The following NETO1 variants were observed in gnomAD, a reference collection of about 807,000 sequenced individuals.
NETO1 encodes the protein neuropilin and tolloid-like protein 1.
NETO1 carries 26 observed loss-of-function variants against 61.3 expected under a neutral mutation model. The observed-to-expected ratio is 0.42, with a 90% CI of 0.31 to 0.59. The LOEUF is 0.59. Ranked by LOEUF, NETO1 falls within the 20% of genes least tolerant of loss-of-function variation. NETO1 has a pLI of 0.12. For synonymous variants in NETO1, 225 were observed against 225.8 expected, an observed-to-expected ratio of 1.00 and a Z score of 0.03; for missense variants, 531 against 662.8, an observed-to-expected ratio of 0.80 and a Z score of 2.18.
intron 4 of NETO1, among the ~76,000 whole-genome samples, chr18:72,833,565 C>G (rs2073647396): frequency 6.6e-6 from 1 of 152,152 alleles, no homozygotes; most frequent in Admixed American, 6.6e-5. Context: ...ATTACCGTCT[C>G]TCACTAACTC....
At chr18:72,865,465 C>A in intron 1 of NETO1, 3 of 1,350,832 alleles carry the variant, frequency 2.2e-6, no homozygotes, top group Non-Finnish European at 3.1e-6. Flanking sequence ...TGGATGAGAC[C>A]CAAACTCCTA....
At position 72,769,419 on chromosome 18, in the gene NETO1, T is replaced by C. The variant is rs547277465; in HGVS notation, c.869-13272A>G. 7.9e-5 allele frequency among the ~76,000 whole-genome samples: 12 copies of C among 152,284 alleles called. No individual in the cohort carries two copies. In the South Asian group the frequency reaches 2.3e-3, roughly 29 times the overall value. The stretch of plus-strand genomic sequence containing the variant: ...CAATGTGATATCCTCGAAAACTGTA[T>C]TAAAACTCTACTGATGGGTTCTTTT... On this transcript the variant is annotated intron_variant, in intron 7 of 10. Coordinates refer to ENST00000327305, the MANE Select transcript of NETO1 (RefSeq NM_138966.5).
At chr18:72,851,056 C>A (rs559867705) in intron 4 of NETO1, among the ~76,000 whole-genome samples, 11 of 151,976 alleles carry the variant, frequency 7.2e-5, no homozygotes, top group Admixed American at 2.6e-4. Flanking sequence ...GGGAGGTGAG[C>A]GAAAGGAACC....
At position 72,808,537 on chromosome 18, in the gene NETO1, T is replaced by C. The variant is rs17086334; in HGVS notation, c.470-14133A>G. Reference sequence around the variant, plus strand: ...ATTATGCCACTGTAAACTAAATAAATGGTGTCAATGAAAATCAAGAAGCAA... The same window carrying C: ...ATTATGCCACTGTAAACTAAATAAACGGTGTCAATGAAAATCAAGAAGCAA... On this transcript the variant is annotated intron_variant, in intron 4 of 10. Coordinates refer to ENST00000327305, the MANE Select transcript of NETO1 (RefSeq NM_138966.5). 8.0e-3 allele frequency among the ~76,000 whole-genome samples: 1,224 copies of C among 152,126 alleles called. 25 individuals carry two copies. The East Asian group carries it at 0.088, about 11-fold the overall frequency.
chr18:72,760,250 G>A (rs2070926419), intron 7 of NETO1, among the ~76,000 whole-genome samples: 1 of 152,162 alleles, frequency 6.6e-6, no homozygotes, highest in African/African-American at 2.4e-5. Flanking sequence ...TTGATTTAAA[G>A]CACTCACCTA....
chr18:72,795,274 T>G (rs1304349574), intron 4 of NETO1, among the ~76,000 whole-genome samples: 2 of 152,210 alleles, frequency 1.3e-5, no homozygotes, highest in Non-Finnish European at 2.9e-5. Context: ...TTCCTCGTAA[T>G]AGAGACAAGG....
intron 7 of NETO1, among the ~76,000 whole-genome samples, chr18:72,759,465 T>C (rs1053237593): frequency 4.6e-5 from 7 of 152,222 alleles, no homozygotes; most frequent in African/African-American, 1.2e-4. Context: ...TTAAGCTTAC[T>C]AGGCTTGTAG....
chr18:72,790,252 A>G (rs1426217487), intron 6 of NETO1, among the ~76,000 whole-genome samples: 1 of 152,164 alleles, frequency 6.6e-6, no homozygotes, highest in African/African-American at 2.4e-5. Context: ...TAGATTTGTT[A>G]ATTAGCTTGA....
chr18:72,841,783 A>G (rs1019592828), intron 4 of NETO1, among the ~76,000 whole-genome samples: 9 of 147,994 alleles, frequency 6.1e-5, no homozygotes, highest in Non-Finnish European at 1.3e-4. Context: ...CTGATGGAGC[A>G]TGCCCGAAAT....
chr18:72,814,734 T>C (rs1203808511), intron 4 of NETO1, among the ~76,000 whole-genome samples: 1 of 151,852 alleles, frequency 6.6e-6, no homozygotes, highest in East Asian at 1.9e-4. Context: ...AAAGAAAAAC[T>C]TCAGGGAAAA....
chr18:72,821,087 T>A (rs1164073745), intron 4 of NETO1, among the ~76,000 whole-genome samples: 1 of 151,982 alleles, frequency 6.6e-6, no homozygotes, highest in Non-Finnish European at 1.5e-5. Flanking sequence ...CTTCTGCCCA[T>A]CTCTTGCCTG....
downstream of NETO1, among the ~76,000 whole-genome samples, chr18:72,743,352 T>C (rs950354451): frequency 6.6e-6 from 1 of 152,202 alleles, no homozygotes; most frequent in Non-Finnish European, 1.5e-5. Flanking sequence ...GCTTAGAAGG[T>C]CAGTTATTCA....
rs1352982657 is a variant in NETO1 at position 72,747,154 on chromosome 18, T to TA, written c.*1024dup. On this transcript the variant is annotated 3_prime_UTR_variant, in exon 11 of 11. Transcript: ENST00000327305. ...CCCTAAAAGGTGGAAAGAGTTGACA[T>TA]AAAATGTGTATTTATGTGAGTCAGT... 7 of 152,032 alleles carry TA rather than the reference T, an allele frequency of 4.6e-5. No individual in the cohort carries two copies. The highest frequency in any genetic ancestry group is 8.8e-5 in the Non-Finnish European group (6 of 67,942). The allele number at this position is 152,032 out of a possible 1,614,324, so 9.4% of individuals were successfully genotyped here.
intron 4 of NETO1, among the ~76,000 whole-genome samples, chr18:72,826,277 T>G (rs1331192150): frequency 6.6e-6 from 1 of 152,180 alleles, no homozygotes; most frequent in Non-Finnish European, 1.5e-5. Flanking sequence ...TATCCTAAAT[T>G]ATAATTGGTC....
In NETO1 at chr18:72,749,013, C is replaced by T; in HGVS notation, c.*14+1G>A. The T allele has an allele frequency of 1.3e-6, 2 of 1,598,452 alleles. No individual in the cohort carries two copies. Among genetic ancestry groups the T allele is most frequent in the Non-Finnish European group, 1.7e-6 (2 of 1,166,332 alleles). Reference sequence around the variant, plus strand: ...AAAAGGAACCAAGGGCATCTGCTTACCTTGAATTTTCTTTCTAGACCCTAG... The same window carrying T: ...AAAAGGAACCAAGGGCATCTGCTTATCTTGAATTTTCTTTCTAGACCCTAG... On this transcript the variant is annotated splice_donor_variant, in intron 10 of 10. Coordinates refer to ENST00000327305, the MANE Select transcript of NETO1 (RefSeq NM_138966.5). LOFTEE classifies it low-confidence loss of function (3UTR_SPLICE).
Position 72,836,787 on chromosome 18 carries a change from G to A in NETO1, c.469+22039C>T, listed in dbSNP as rs183002787. 2.6e-5 allele frequency among the ~76,000 whole-genome samples: 4 copies of A among 152,262 alleles called. No individual in the cohort carries two copies. The East Asian group carries it at 5.8e-4, about 22-fold the overall frequency. ...CTAAGCTACTGAGCAATTTTAATCC[G>A]GGGATGGATACAATCAGATTTTTGT... On this transcript the variant is annotated intron_variant, in intron 4 of 10. Transcript: ENST00000327305.
intron 4 of NETO1, among the ~76,000 whole-genome samples, chr18:72,825,082 A>G (rs995039638): frequency 1.3e-5 from 2 of 152,196 alleles, no homozygotes; most frequent in Non-Finnish European, 2.9e-5. Context: ...AGGATATAAA[A>G]TAAACTGTCA....
intron 4 of NETO1, chr18:72,834,103 A>G (rs2073666008): frequency 2.1e-6 from 2 of 941,908 alleles, no homozygotes; most frequent in Non-Finnish European, 2.5e-6. Context: ...TTGTCTTGGC[A>G]GACTTTAAAA....
intron 4 of NETO1, among the ~76,000 whole-genome samples, chr18:72,829,675 T>C (rs1460787065): frequency 1.3e-5 from 2 of 152,170 alleles, no homozygotes; most frequent in Admixed American, 1.3e-4. Flanking sequence ...TGCCAAAAGA[T>C]AAACTGAAAG....
Sources: gnomAD v4.1 joint callset for allele counts (sites outside exome capture counted in the v4.1 genomes callset) on GRCh38, gnomAD v4.1.1 for gene constraint, MANE v1.5 for transcripts, NCBI Gene and HGNC (gene_info 2026-07-23, HGNC 2026-07-21) for gene names.